LARGE1: variants seen among roughly 807,000 people sequenced by gnomAD.
The protein encoded by LARGE1 is xylosyl- and glucuronyltransferase LARGE1.
A neutral mutation model predicts 87.6 loss-of-function variants in LARGE1; 43 were observed. The ratio of observed to expected loss-of-function variants is 0.49; its 90% confidence interval spans 0.38 to 0.63. LARGE1 has a LOEUF of 0.63. Among genes scored for constraint, LARGE1 ranks in the 30% least tolerant of loss-of-function variants. The pLI, the probability that LARGE1 is intolerant of heterozygous loss-of-function variation, is 0.00. For synonymous variants in LARGE1, 434 were observed against 394.6 expected (o/e 1.10, Z -1.18); for missense variants, 802 against 1,000.2 (o/e 0.80, Z 2.67).
At chr22:33,278,678 G>C (rs1252616832) in intron 13 of LARGE1, among the ~76,000 whole-genome samples, 1 of 152,000 alleles carries the variant, frequency 6.6e-6, no homozygotes, top group Non-Finnish European at 1.5e-5. Context: ...GGGAAGCCTT[G>C]CTCAAAGGCC....
At chr22:33,475,556 G>T (rs1359595609) in intron 6 of LARGE1, among the ~76,000 whole-genome samples, 3 of 151,900 alleles carry the variant, frequency 2.0e-5, no homozygotes, top group South Asian at 2.1e-4. Context: ...CCGCCTCCCA[G>T]GTTCAGGGGA....
chr22:33,816,666 G>A (rs58438920), intron 1 of LARGE1, among the ~76,000 whole-genome samples: 39 of 38,174 alleles, frequency 1.0e-3, no homozygotes, highest in East Asian at 4.5e-3. Context: ...ACGGATGCAC[G>A]GATGGATGGA....
chr22:33,151,005 G>C, the LARGE1 span, among the ~76,000 whole-genome samples: 2 of 152,064 alleles, frequency 1.3e-5, no homozygotes, highest in Non-Finnish European at 2.9e-5. Context: ...GGGGTTTTGA[G>C]AGGCGGTGCA....
At chr22:33,921,736 G>A (rs535222711), upstream of LARGE1, among the ~76,000 whole-genome samples, 1 of 152,186 alleles carries the variant, frequency 6.6e-6, no homozygotes, top group South Asian at 2.1e-4. The surrounding 1 kb of genome is among the most constrained non-coding windows in gnomAD (Gnocchi z 4.1). Flanking sequence ...TTCCCTCTTG[G>A]CATAAGAACC....
intron 10 of LARGE1, among the ~76,000 whole-genome samples, chr22:33,333,107 T>C (rs1468015008): frequency 4.6e-5 from 7 of 151,268 alleles, no homozygotes; most frequent in East Asian, 2.0e-4. Flanking sequence ...CCCGGGTTCA[T>C]GCCATTCTCC....
chr22:33,824,391 AG>A (rs1277164031), intron 1 of LARGE1, among the ~76,000 whole-genome samples: 5 of 152,168 alleles, frequency 3.3e-5, no homozygotes, highest in Middle Eastern at 3.2e-3. Flanking sequence ...AGAGAGCAAA[AG>A]GGGAAATGCT....
At chr22:33,569,520 G>A (rs2078130936) in intron 5 of LARGE1, among the ~76,000 whole-genome samples, 1 of 152,210 alleles carries the variant, frequency 6.6e-6, no homozygotes, top group Admixed American at 6.5e-5. Flanking sequence ...CAGAAAGAAA[G>A]CCCCAGGAAA....
At chr22:33,198,042 T>C (rs899861757) in intron 11 of LARGE1, among the ~76,000 whole-genome samples, 6 of 152,134 alleles carry the variant, frequency 3.9e-5, no homozygotes, top group Non-Finnish European at 5.9e-5. Context: ...ACATTGACAT[T>C]GACCCTCAGC....
At chr22:33,366,993 T>C (rs999310687) in intron 9 of LARGE1, among the ~76,000 whole-genome samples, 15 of 152,240 alleles carry the variant, frequency 9.9e-5, no homozygotes, top group African/African-American at 3.6e-4. Context: ...AAAGGTTTAA[T>C]GGCTAGAAGA....
intron 2 of LARGE1, among the ~76,000 whole-genome samples, chr22:33,676,062 T>C (rs970345157): frequency 1.3e-5 from 2 of 152,032 alleles, no homozygotes; most frequent in Non-Finnish European, 2.9e-5. Context: ...TATGTTTTTA[T>C]GCATTAAAAG....
rs373093100 is a variant in LARGE1, at chr22:33,458,310, C to T, written c.788-26045G>A. Among the ~76,000 whole-genome samples, 947 of 152,098 alleles carry T rather than the reference C, an allele frequency of 6.2e-3. 3 individuals are homozygous for T. The highest frequency in any genetic ancestry group is 0.026 in the South Asian group (124 of 4,814). On this transcript the variant is annotated intron_variant, in intron 6 of 14. Transcript: ENST00000397394. ...TAGTGGAGACGGGGTTTCACTGTGTCAGCCAGGATGGTCTCGATCTCCTGA... is the reference window on the plus strand; with the variant it reads ...TAGTGGAGACGGGGTTTCACTGTGTTAGCCAGGATGGTCTCGATCTCCTGA...
chr22:33,626,966 C>T (rs754348437), intron 3 of LARGE1, among the ~76,000 whole-genome samples: 3 of 152,180 alleles, frequency 2.0e-5, no homozygotes, highest in Non-Finnish European at 4.4e-5. Context: ...TGACTCACTG[C>T]CATTTAAGCG....
At chr22:33,094,313 C>A in the LARGE1 span, among the ~76,000 whole-genome samples, 1 of 152,104 alleles carries the variant, frequency 6.6e-6, no homozygotes. Flanking sequence ...ATCTTTTGCA[C>A]GGACCGTTGC....
chr22:33,432,064 C>T, intron 7 of LARGE1, 97 bp downstream of exon 7: 2 of 964,102 alleles, frequency 2.1e-6, no homozygotes, highest in Non-Finnish European at 3.3e-6. Flanking sequence ...ATCAGGTGGC[C>T]TCCTCCTGAG....
intron 11 of LARGE1, among the ~76,000 whole-genome samples, chr22:33,258,555 C>T (rs181618067): frequency 2.3e-3 from 348 of 152,132 alleles, no homozygotes; most frequent in African/African-American, 8.0e-3. Context: ...CCAGAAAGTT[C>T]GGTATTTCTA....
chr22:33,894,985 T>A (rs1157514953), intron 1 of LARGE1, among the ~76,000 whole-genome samples: 2 of 152,066 alleles, frequency 1.3e-5, no homozygotes, highest in Non-Finnish European at 2.9e-5. Context: ...GGGCAGAATA[T>A]TTGCAATTAG....
intron 5 of LARGE1, among the ~76,000 whole-genome samples, chr22:33,565,531 T>C (rs4821166): frequency 0.3 from 38,008 of 124,620 alleles, 6,228 homozygotes; most frequent in Non-Finnish European, 0.42. Context: ...AATAGATTAC[T>C]ACTGCTGCCT....
In LARGE1 at chr22:33,475,200, A is replaced by G. The variant is rs193299569; in HGVS notation, c.788-42935T>C. On this transcript the variant is annotated intron_variant, in intron 6 of 14. Transcript: ENST00000397394. ...AGAAGATGAATACTGGGGTGGGACT[A>G]CCAGGGTTTGAATCTCTGTTTCATC... is the stretch of plus-strand genomic sequence containing the variant. Among the ~76,000 whole-genome samples, 464 of 152,198 alleles carry G rather than the reference A, an allele frequency of 3.0e-3. 3 individuals carry two copies. Among genetic ancestry groups the G allele is most frequent in the South Asian group, 0.021 (103 of 4,826 alleles).
intron 6 of LARGE1, among the ~76,000 whole-genome samples, chr22:33,466,168 C>T (rs994105732): frequency 7.2e-5 from 11 of 152,182 alleles, no homozygotes; most frequent in African/African-American, 2.7e-4. Flanking sequence ...CATGCCCACG[C>T]ACATGCTGAA....
Sources: gnomAD v4.1 joint callset for allele counts (sites outside exome capture counted in the v4.1 genomes callset) on GRCh38, gnomAD v4.1.1 for gene constraint, Gnocchi (gnomAD v3.1) non-coding constraint, MANE v1.5 for transcripts, NCBI Gene and HGNC (gene_info 2026-07-23, HGNC 2026-07-21) for gene names.